AFF4: variants seen among roughly 807,000 people sequenced by gnomAD.
AFF4 encodes the protein ALF transcription elongation factor 4.
AFF4 carries 13 observed loss-of-function variants against 124.8 expected under a neutral mutation model. That is an observed-to-expected ratio of 0.10 (90% CI 0.07 to 0.17). AFF4 has a LOEUF of 0.17. Ranked by LOEUF, AFF4 falls within the 10% of genes least tolerant of loss-of-function variation. The pLI, the probability that AFF4 is intolerant of heterozygous loss-of-function variation, is 1.00. For synonymous variants in AFF4, 477 were observed against 496.1 expected, an observed-to-expected ratio of 0.96 and a Z score of 0.51; for missense variants, 1,092 against 1,403.8, an observed-to-expected ratio of 0.78 and a Z score of 3.55.
At chr5:132,918,130 T>TTGGGA (rs1760958402) in intron 5 of AFF4, among the ~76,000 whole-genome samples, 1 of 150,830 alleles carries the variant, frequency 6.6e-6, no homozygotes, top group Non-Finnish European at 1.5e-5. Flanking sequence ...CTGTGGCTCA[T>TTGGGA]GCCTGTAATC....
chr5:132,889,315 A>G, intron 13 of AFF4, 142 bp from the exon 14 acceptor site: 1 of 592,954 alleles, frequency 1.7e-6, no homozygotes, highest in East Asian at 2.8e-5. Context: ...AAACTTTTAT[A>G]AACTTCATAA....
intron 2 of AFF4, among the ~76,000 whole-genome samples, chr5:132,935,382 T>C (rs1761400679): frequency 6.6e-6 from 1 of 152,184 alleles, no homozygotes; most frequent in Non-Finnish European, 1.5e-5. Flanking sequence ...TCCCAGCACT[T>C]TGGGAGGCCA....
intron 1 of AFF4, among the ~76,000 whole-genome samples, chr5:132,958,247 A>G (rs1762004563): frequency 6.6e-6 from 1 of 152,184 alleles, no homozygotes; most frequent in Admixed American, 6.6e-5. Flanking sequence ...TGCATAACAA[A>G]TAATTAAAAG....
rs563920758 is a variant in AFF4 at position 132,904,996 on chromosome 5, G to A, written c.1051-592C>T. Reference sequence around the variant, plus strand: ...CCCTGGGAGGCGGAGGTTGCAGTGAGCCGAGATCGCGCCACTGCACTCCAG... The same window carrying A: ...CCCTGGGAGGCGGAGGTTGCAGTGAACCGAGATCGCGCCACTGCACTCCAG... On this transcript the variant is annotated intron_variant, in intron 5 of 20. Coordinates refer to ENST00000265343, the MANE Select transcript of AFF4 (RefSeq NM_014423.4). Among the ~76,000 whole-genome samples, 5 of 146,062 alleles carry A rather than the reference G, an allele frequency of 3.4e-5. No homozygotes were observed. The East Asian group carries it at 6.1e-4, about 18-fold the overall frequency.
intron 1 of AFF4, among the ~76,000 whole-genome samples, chr5:132,939,639 T>C (rs893156924): frequency 2.0e-5 from 3 of 152,254 alleles, no homozygotes; most frequent in African/African-American, 4.8e-5. Context: ...AGACGAAGTC[T>C]CGCTCTTGTC....
intron 1 of AFF4, among the ~76,000 whole-genome samples, chr5:132,953,418 T>C (rs1210185554): frequency 6.6e-6 from 1 of 151,788 alleles, no homozygotes; most frequent in East Asian, 1.9e-4. Context: ...TTTTTTTTTC[T>C]TTTCAATTTT....
At position 132,889,098 on chromosome 5, in the gene AFF4, T is replaced by C. The variant is rs370588988; in HGVS notation, c.2713A>G (p.Lys905Glu). Residue 905 changes from lysine to glutamate, a missense_variant, in exon 14 of 21, where the codon AAG becomes GAG. Lys to Glu is a moderately conservative substitution (Grantham distance 56). Coordinates refer to ENST00000265343, the MANE Select transcript of AFF4 (RefSeq NM_014423.4). ...TLDSSKPRRT[K>E]LVFDDRNYSA... is the part of the protein sequence containing the mutation. ...TCTCACCTGTCATCAAAGACAAGCTTTGTTCTCCGAGGCTTAGAAGAATCA... is the reference window on the plus strand; with the variant it reads ...TCTCACCTGTCATCAAAGACAAGCTCTGTTCTCCGAGGCTTAGAAGAATCA... 4 of 1,613,414 alleles carry C rather than the reference T, an allele frequency of 2.5e-6. No homozygotes were observed. The African/African-American group carries it at 5.3e-5, about 22-fold the overall frequency.
chr5:132,943,280 C>A, intron 1 of AFF4: 1 of 189,070 alleles, frequency 5.3e-6, no homozygotes, highest in South Asian at 1.1e-4. Context: ...TTAAGGAAGT[C>A]AGCCCTTACA....
intron 5 of AFF4, among the ~76,000 whole-genome samples, chr5:132,922,898 C>A (rs865818940): frequency 6.8e-6 from 1 of 146,760 alleles, no homozygotes; most frequent in African/African-American, 2.5e-5. Flanking sequence ...GAATGGGGGC[C>A]GGGCACAGTG....
At chr5:132,912,297 G>A (rs1367549023) in intron 5 of AFF4, among the ~76,000 whole-genome samples, 2 of 152,010 alleles carry the variant, frequency 1.3e-5, no homozygotes, top group African/African-American at 4.8e-5. Flanking sequence ...AGCCAAGATT[G>A]CACCACTGCA....
At chr5:132,888,700 G>C (rs1020325217) in intron 14 of AFF4, among the ~76,000 whole-genome samples, 9 of 151,866 alleles carry the variant, frequency 5.9e-5, no homozygotes, top group African/African-American at 1.9e-4. Flanking sequence ...ATCAATGATA[G>C]ATTTTTTTTT....
At chr5:132,932,739 T>C (rs769303629) in intron 3 of AFF4, among the ~76,000 whole-genome samples, 26 of 152,196 alleles carry the variant, frequency 1.7e-4, no homozygotes, top group Non-Finnish European at 3.2e-4. Flanking sequence ...CAAGTATTAC[T>C]GAAAGATTAC....
intron 3 of AFF4, among the ~76,000 whole-genome samples, chr5:132,933,226 C>G (rs1429309618): frequency 1.3e-5 from 2 of 152,010 alleles, no homozygotes; most frequent in African/African-American, 2.4e-5. Context: ...GGTGAAACCC[C>G]ATCTCTACTA....
At chr5:132,921,462 C>CTTTTTTTTTTTTTTTTT (rs759442039) in intron 5 of AFF4, among the ~76,000 whole-genome samples, 1 of 129,536 alleles carries the variant, frequency 7.7e-6, no homozygotes, top group Non-Finnish European at 1.7e-5. Flanking sequence ...CAGTTGTTTT[C>CTTTTTTTTTTTTTTTTT]TTTTTTTTTT....
At chr5:132,941,696 G>GT (rs1241523637) in intron 1 of AFF4, among the ~76,000 whole-genome samples, 2 of 151,230 alleles carry the variant, frequency 1.3e-5, no homozygotes, top group African/African-American at 2.4e-5. Flanking sequence ...GATGTGTGGG[G>GT]TTTTTTTTCG....
At chr5:132,957,356 T>G (rs55928219) in intron 1 of AFF4, among the ~76,000 whole-genome samples, 34,123 of 151,584 alleles carry the variant, frequency 0.23, 4,318 homozygotes, top group African/African-American at 0.34. Context: ...TAATAATTAT[T>G]ATTATTATTT....
chr5:132,912,413 T>A (rs1180830977), intron 5 of AFF4, among the ~76,000 whole-genome samples: 1 of 151,886 alleles, frequency 6.6e-6, no homozygotes, highest in East Asian at 1.9e-4. Flanking sequence ...CAGACTGGAG[T>A]GCAGTGGAGT....
intron 5 of AFF4, among the ~76,000 whole-genome samples, chr5:132,913,502 G>A (rs57291563): frequency 0.21 from 31,450 of 152,172 alleles, 3,547 homozygotes; most frequent in African/African-American, 0.29. Flanking sequence ...GGAGTACAGT[G>A]GCATGATCAT....
intron 5 of AFF4, among the ~76,000 whole-genome samples, chr5:132,915,718 C>A (rs1760893818): frequency 2.0e-5 from 3 of 151,630 alleles, no homozygotes; most frequent in Admixed American, 2.0e-4. Context: ...CAAGCACCCA[C>A]CACCACGCTC....
Sources: allele counts gnomAD v4.1 joint callset (sites outside exome capture counted in the v4.1 genomes callset), GRCh38; gene constraint gnomAD v4.1.1; transcripts MANE v1.5; gene names NCBI Gene and HGNC (gene_info 2026-07-23, HGNC 2026-07-21).